Variants in SPATA6L observed in about 807,000 individuals in gnomAD.
SPATA6L encodes spermatogenesis associated 6 like.
In SPATA6L, 68 loss-of-function variants were observed where a neutral mutation model predicts 49.2. That is an observed-to-expected ratio of 1.38 (90% CI 1.14 to 1.69). SPATA6L has a LOEUF of 1.69. Among genes scored for constraint, SPATA6L ranks in the 40% most tolerant of loss-of-function variants. SPATA6L has a pLI of 0.00. For missense variants in SPATA6L, 668 were observed against 464.3 expected (o/e 1.44, Z -4.03); for synonymous variants, 198 against 165.7 (o/e 1.19, Z -1.50).
At chr9:4,643,319 T>C (rs1356139917) in intron 3 of SPATA6L, among the ~76,000 whole-genome samples, 2 of 152,090 alleles carry the variant, frequency 1.3e-5, no homozygotes, top group African/African-American at 4.8e-5. Context: ...ACACAACAAA[T>C]CCAATTGACA....
Position 4,629,535 on chromosome 9 carries a change from T to C in SPATA6L, c.352-367A>G, listed in dbSNP as rs182962879. Among the ~76,000 whole-genome samples the C allele has an allele frequency of 1.4e-3, 206 of 152,034 alleles. 1 individual carries two copies. Among genetic ancestry groups the C allele is most frequent in the Middle Eastern group, 6.8e-3 (2 of 294 alleles). On this transcript the variant is annotated intron_variant, in intron 4 of 11. Coordinates refer to ENST00000682582, the MANE Select transcript of SPATA6L (RefSeq NM_001353486.2). ...AGTGTCCATGATGTTAGCTACTCTA[T>C]TTAAAACACTGTACCATGGAATTGA...
intron 2 of SPATA6L, among the ~76,000 whole-genome samples, chr9:4,657,275 T>G (rs917743437): frequency 6.6e-6 from 1 of 152,170 alleles, no homozygotes; most frequent in African/African-American, 2.4e-5. Context: ...ATCAAGCAAA[T>G]GTGGGTAAGT....
At position 4,599,691 on chromosome 9, in the gene SPATA6L, G is replaced by C. The variant is rs554578865; in HGVS notation, c.*1120C>G. ...TCGCTGTCTCCTCGCCAGTGGAAGG[G>C]GCAAACGAGCTCCCTTGAGCCTATT... On this transcript the variant is annotated 3_prime_UTR_variant, in exon 12 of 12. Transcript: ENST00000682582. Among the ~76,000 whole-genome samples, 21 of 152,164 alleles carry C rather than the reference G, an allele frequency of 1.4e-4. No homozygotes were observed. Among genetic ancestry groups the C allele is most frequent in the Non-Finnish European group, 2.8e-4 (19 of 68,028 alleles).
In SPATA6L at chr9:4,661,982, A is replaced by C; in HGVS notation, c.94T>G (p.Tyr32Asp). Residue 32 changes from tyrosine (Y) to aspartate (D), a missense_variant, in exon 2 of 12, where the codon TAC (tyrosine) becomes GAC (aspartate). Physicochemically the swap from Tyr to Asp is radical, Grantham distance 160 (BLOSUM62 -3). Transcript: ENST00000682582. ...GTCTCCAGGTACTGATTCATGAGGT[A>C]GACCCCGAGGTACACATCTTGTTTG... ...PGKQDVYLGV[Y>D]LMNQYLETNS... 3.1e-6 allele frequency: 5 copies of C among 1,614,148 alleles called. No individual in the cohort carries two copies. The highest frequency in any genetic ancestry group is 4.2e-6 in the Non-Finnish European group (5 of 1,179,996).
chr9:4,622,382 A>G, intron 7 of SPATA6L, 26 bp downstream of exon 7: 6 of 1,394,954 alleles, frequency 4.3e-6, no homozygotes, highest in Non-Finnish European at 6.1e-6. Context: ...AGGGAAATGT[A>G]CAGGAGTAAC....
chr9:4,646,545 G>C, intron 3 of SPATA6L: 2 of 1,483,480 alleles, frequency 1.3e-6, no homozygotes, highest in Non-Finnish European at 1.8e-6. Flanking sequence ...AGGAAAAAAT[G>C]AGATTTTAAT....
intron 2 of SPATA6L, 110 bp downstream of exon 2, chr9:4,661,786 GATA>G: frequency 8.7e-7 from 1 of 1,150,798 alleles, no homozygotes; most frequent in Non-Finnish European, 1.2e-6. Flanking sequence ...AGTGCTTTCG[GATA>G]ATTTTTTTAA....
Position 4,600,366 on chromosome 9 carries a change from C to T in SPATA6L, c.*445G>A, listed in dbSNP as rs913897281. ...CAAACAACAACAAAAACGGATCTAC[C>T]GAAAAGAGAAAGTCAGGTTGATAGT... On this transcript the variant is annotated 3_prime_UTR_variant, in exon 12 of 12. Transcript: ENST00000682582. Among the ~76,000 whole-genome samples, 4 of 152,000 alleles carry T rather than the reference C, an allele frequency of 2.6e-5. No individual in the cohort carries two copies. The highest frequency in any genetic ancestry group is 7.3e-5 in the African/African-American group (3 of 41,368).
intron 3 of SPATA6L, among the ~76,000 whole-genome samples, chr9:4,655,625 T>A (rs1194461363): frequency 6.6e-6 from 1 of 152,048 alleles, no homozygotes; most frequent in Non-Finnish European, 1.5e-5. Context: ...TTCGGCTCAC[T>A]GTAACCTCCG....
chr9:4,651,010 A>T (rs1564303745), intron 3 of SPATA6L, among the ~76,000 whole-genome samples: 1 of 149,778 alleles, frequency 6.7e-6, no homozygotes, highest in African/African-American at 2.5e-5. Flanking sequence ...CGTAGAAATA[A>T]TTTTTTTTTT....
At chr9:4,637,563 T>C (rs1247930096) in intron 3 of SPATA6L, among the ~76,000 whole-genome samples, 1 of 152,192 alleles carries the variant, frequency 6.6e-6, no homozygotes. Context: ...GTTCAATCAA[T>C]ACAGGGCCCA....
chr9:4,602,139 G>T (rs569113153), intron 11 of SPATA6L, among the ~76,000 whole-genome samples: 2 of 149,352 alleles, frequency 1.3e-5, no homozygotes, highest in Non-Finnish European at 3.0e-5. Flanking sequence ...AAGAATTGAC[G>T]TTTTTTTTTT....
At chr9:4,655,226 G>T (rs537756123) in intron 3 of SPATA6L, among the ~76,000 whole-genome samples, 1 of 152,270 alleles carries the variant, frequency 6.6e-6, no homozygotes, top group African/African-American at 2.4e-5. Context: ...AAAAAATTAA[G>T]TTCTGGCACA....
intron 4 of SPATA6L, among the ~76,000 whole-genome samples, chr9:4,634,201 T>A (rs895062247): frequency 6.6e-6 from 1 of 152,200 alleles, no homozygotes; most frequent in Non-Finnish European, 1.5e-5. Flanking sequence ...TAACAGAGTA[T>A]CCCCTACCTA....
Position 4,632,678 on chromosome 9 carries a change from C to T in SPATA6L, c.351+2597G>A, listed in dbSNP as rs145759900. ...TGCAATGTGTCTAGCACCTAGATTA[C>T]AGCCAGGGACATTGGTTAAGAGCTG... On this transcript the variant is annotated intron_variant, in intron 4 of 11. Coordinates refer to ENST00000682582, the MANE Select transcript of SPATA6L (RefSeq NM_001353486.2). Among the ~76,000 whole-genome samples the T allele has an allele frequency of 1.8e-3, 277 of 151,954 alleles. 2 individuals carry two copies. Among genetic ancestry groups the T allele is most frequent in the African/African-American group, 6.3e-3 (261 of 41,430 alleles).
At chr9:4,648,517 G>A (rs1345810496) in intron 3 of SPATA6L, among the ~76,000 whole-genome samples, 7 of 151,808 alleles carry the variant, frequency 4.6e-5, no homozygotes, top group Non-Finnish European at 7.4e-5. Flanking sequence ...GGTCTAACTC[G>A]GTGAAACCCC....
At chr9:4,589,801 C>T (rs189956299) in intron 13 of SPATA6L, among the ~76,000 whole-genome samples, 4 of 152,124 alleles carry the variant, frequency 2.6e-5, no homozygotes, top group African/African-American at 7.2e-5. Context: ...CAGGGCCCCC[C>T]GTGGGGCTTT....
intron 9 of SPATA6L, 77 bp from the exon 10 acceptor site, chr9:4,605,517 T>C: frequency 1.1e-6 from 1 of 933,850 alleles, no homozygotes; most frequent in Non-Finnish European, 1.7e-6. Flanking sequence ...CGGTATGGAT[T>C]GATATTTAAA....
In SPATA6L at chr9:4,624,200, C is replaced by G. The variant is rs1157348305; in HGVS notation, c.669+1127G>C. On this transcript the variant is annotated intron_variant, in intron 6 of 11. Transcript: ENST00000682582. ...GAACACGAACTGGTGTTCACGTAGA[C>G]TACAAAATAATATAGGAAATTTTTT... 3.3e-5 allele frequency among the ~76,000 whole-genome samples: 5 copies of G among 152,082 alleles called. No individual in the cohort carries two copies. In the East Asian group the frequency reaches 9.6e-4, roughly 29 times the overall value.
Sources: gnomAD v4.1 joint callset for allele counts (sites outside exome capture counted in the v4.1 genomes callset) on GRCh38, gnomAD v4.1.1 for gene constraint, MANE v1.5 for transcripts, NCBI Gene and HGNC (gene_info 2026-07-23, HGNC 2026-07-21) for gene names.